Variants in BRD1 observed in about 807,000 individuals in gnomAD.
The protein encoded by BRD1 is bromodomain containing 1.
BRD1 carries 24 observed loss-of-function variants against 107.7 expected under a neutral mutation model. That is an observed-to-expected ratio of 0.22 (90% CI 0.16 to 0.31). BRD1 has a LOEUF of 0.31. Ranked by LOEUF, BRD1 falls within the 10% of genes least tolerant of loss-of-function variation. BRD1 has a pLI of 1.00. For missense variants in BRD1, 1,279 were observed against 1,638.6 expected, an observed-to-expected ratio of 0.78 and a Z score of 3.79; for synonymous variants, 744 against 686.1, an observed-to-expected ratio of 1.08 and a Z score of -1.32.
At chr22:49,778,157 C>T (rs373985299) in intron 8 of BRD1, among the ~76,000 whole-genome samples, 11 of 152,314 alleles carry the variant, frequency 7.2e-5, no homozygotes, top group African/African-American at 1.2e-4. Context: ...AGATGTGCAA[C>T]CTGTGAGTGC....
At chr22:49,826,973 G>A (rs972365655) in intron 1 of BRD1, among the ~76,000 whole-genome samples, 16 of 152,190 alleles carry the variant, frequency 1.1e-4, no homozygotes, top group Non-Finnish European at 2.2e-4. Flanking sequence ...AACGCCCGGG[G>A]AGGCCGCGGT....
chr22:49,781,252 G>A (rs1001326712), intron 8 of BRD1, among the ~76,000 whole-genome samples: 26 of 152,304 alleles, frequency 1.7e-4, no homozygotes, highest in African/African-American at 5.8e-4. Context: ...CCAGCCAAGC[G>A]CAGTCCCCGG....
chr22:49,797,884 G>A lies in BRD1; in HGVS notation c.2019C>T (p.Ile673=), dbSNP rs139437500. Residue 673 remains isoleucine, a synonymous_variant, in exon 6 of 13, where the codon ATC becomes ATT. Coordinates refer to ENST00000404760, the MANE Select transcript of BRD1 (RefSeq NM_001304808.3). ...LRQARREVDS[I]GLEEASGMHL... is the part of the protein sequence containing the mutation. ...GCATCCCCGAGGCCTCTTCCAAGCC[G>A]ATGCTGTCCACCTCGCGCCGGGCCT... 373 of 1,613,902 alleles carry A rather than the reference G, an allele frequency of 2.3e-4. No individual in the cohort carries two copies. The highest frequency in any genetic ancestry group is 3.0e-4 in the Non-Finnish European group (349 of 1,180,040).
chr22:49,777,270 G>T (rs954040088), intron 9 of BRD1, 109 bp from the exon 10 acceptor site: 1 of 1,523,490 alleles, frequency 6.6e-7, no homozygotes, highest in Non-Finnish European at 8.9e-7. Flanking sequence ...CATCCTGCCT[G>T]ACACCCCCGC....
intron 7 of BRD1, among the ~76,000 whole-genome samples, chr22:49,789,347 G>A (rs1002033455): frequency 2.0e-5 from 3 of 152,214 alleles, no homozygotes; most frequent in Admixed American, 6.5e-5. Flanking sequence ...CTGCTGAAAG[G>A]CTGCTCATGA....
At position 49,787,845 on chromosome 22, in the gene BRD1, G is replaced by C. The variant is rs2059360223; in HGVS notation, c.2402C>G (p.Pro801Arg). The C allele has an allele frequency of 6.5e-7, 1 of 1,549,068 alleles. No homozygotes were observed. Among genetic ancestry groups the C allele is most frequent in the Non-Finnish European group, 8.7e-7 (1 of 1,145,648 alleles). The stretch of plus-strand genomic sequence containing the variant: ...ATTAGTCTCCGAGTTTGAAGGAAGA[G>C]GTAATGCATCTGATGGTTCAAGTTT... Reference protein sequence around the residue: ...PPKLEPSDALPLPSNSETNSE... With the variant: ...PPKLEPSDALRLPSNSETNSE... The change falls in exon 8 of 13, where the codon CCT becomes CGT. Residue 801 changes from proline (P) to arginine (R), a missense_variant. By Grantham distance (103) the Pro-to-Arg change is moderately radical. Coordinates refer to ENST00000404760, the MANE Select transcript of BRD1 (RefSeq NM_001304808.3).
chr22:49,823,798 T>C lies in BRD1; in HGVS notation c.520A>G (p.Lys174Glu), dbSNP rs2060112663. ...AWLEIVNEKR[K>E]GDCVPAVSQS... ...GACACGGCGGGGACGCAGTCGCCCT[T>C]GCGCTTCTCATTGACGATCTCCAGC... is the stretch of plus-strand genomic sequence containing the variant. The change falls in exon 2 of 13, where the codon AAG (lysine) becomes GAG (glutamate). Residue 174 changes from lysine (K) to glutamate (E), a missense_variant. Physicochemically the swap from Lys to Glu is moderately conservative, Grantham distance 56 (BLOSUM62 1). Around this residue, in one of 7 missense-constraint regions of BRD1, gnomAD observed 223 missense variants for 263.5 expected, o/e 0.85. Coordinates refer to ENST00000404760, the MANE Select transcript of BRD1 (RefSeq NM_001304808.3). The C allele has an allele frequency of 5.0e-6, 8 of 1,614,020 alleles. No individual in the cohort carries two copies. The highest frequency in any genetic ancestry group is 6.8e-6 in the Non-Finnish European group (8 of 1,180,044).
rs1465511911 is a variant in BRD1, at chr22:49,824,514, A to T, written c.-14-183T>A. 7.1e-7 allele frequency: 1 copy of T among 1,416,802 alleles called. No individual in the cohort carries two copies. The highest frequency in any genetic ancestry group is 1.5e-5 in the South Asian group (1 of 65,458). 87.8% of individuals were successfully genotyped at this position (1,416,802 alleles called of 1,614,324 possible). A position where few individuals can be genotyped will look rare whatever the true frequency, so the allele number is the denominator to read the frequency against. On this transcript the variant is annotated intron_variant, in intron 1 of 12. Transcript: ENST00000404760. The surrounding 1 kb of genome is among the most constrained non-coding windows in gnomAD (Gnocchi z 5.9). Reference sequence around the variant, plus strand: ...ATCCAGGCCTGAGCGAGTCCCCAGGACCAGGGAGGGAGCAGCAGTAACAGG... The same window carrying T: ...ATCCAGGCCTGAGCGAGTCCCCAGGTCCAGGGAGGGAGCAGCAGTAACAGG...
intron 2 of BRD1, among the ~76,000 whole-genome samples, chr22:49,808,027 CA>C (rs138860): frequency 6.7e-6 from 1 of 149,480 alleles, no homozygotes; most frequent in Non-Finnish European, 1.5e-5. Context: ...TAACAAAAAA[CA>C]AAAAAAAAAT....
rs570044089 is a variant in BRD1 at position 49,792,308 on chromosome 22, C to T, written c.2359+1726G>A. 6.6e-6 allele frequency among the ~76,000 whole-genome samples: 1 copy of T among 152,214 alleles called. No homozygotes were observed. Among genetic ancestry groups the T allele is most frequent in the African/African-American group, 2.4e-5 (1 of 41,578 alleles). On this transcript the variant is annotated intron_variant, in intron 7 of 12. Coordinates refer to ENST00000404760, the MANE Select transcript of BRD1 (RefSeq NM_001304808.3). The surrounding 1 kb of genome is among the most constrained non-coding windows in gnomAD (Gnocchi z 4.2). ...GCTGGCAACCTCCTCACAGCTCAGT[C>T]CTCAGGGCACAGAAGACAAGGACAG...
intron 2 of BRD1, among the ~76,000 whole-genome samples, chr22:49,808,591 T>C (rs917032499): frequency 6.6e-6 from 1 of 152,108 alleles, no homozygotes; most frequent in African/African-American, 2.4e-5. Flanking sequence ...GCTCTGAAGA[T>C]AGATGGTGGT....
chr22:49,805,848 T>G (rs1260852000), intron 2 of BRD1: 1 of 152,126 alleles, frequency 6.6e-6, no homozygotes, highest in East Asian at 1.9e-4. Context: ...TTCAAGCGAT[T>G]CTCCTGCCTC....
At chr22:49,809,451 G>A (rs1250133051) in intron 2 of BRD1, among the ~76,000 whole-genome samples, 2 of 151,804 alleles carry the variant, frequency 1.3e-5, no homozygotes, top group African/African-American at 2.4e-5. Flanking sequence ...TGAGGCAGGA[G>A]AATCGCTTGA....
At chr22:49,788,946 G>C (rs965657734) in intron 7 of BRD1, among the ~76,000 whole-genome samples, 1 of 152,156 alleles carries the variant, frequency 6.6e-6, no homozygotes, top group South Asian at 2.1e-4. Flanking sequence ...CATTCAAAAA[G>C]TTGTTTTGAA....
intron 7 of BRD1, among the ~76,000 whole-genome samples, chr22:49,790,715 C>T (rs1475470607): frequency 6.6e-6 from 1 of 152,246 alleles, no homozygotes; most frequent in Non-Finnish European, 1.5e-5. Context: ...AGCAACCACA[C>T]TGTCCCTCCA....
chr22:49,811,692 T>C (rs2059852610), intron 2 of BRD1, among the ~76,000 whole-genome samples: 1 of 152,232 alleles, frequency 6.6e-6, no homozygotes, highest in Admixed American at 6.5e-5. Context: ...TTTCAGACTA[T>C]GGCTGACCAT....
At chr22:49,806,571 T>C (rs1569122871) in intron 2 of BRD1, 1 of 152,028 alleles carries the variant, frequency 6.6e-6, no homozygotes, top group African/African-American at 2.4e-5. Flanking sequence ...AGCAAAGACA[T>C]ACATATGACA....
chr22:49,779,672 A>AGC (rs2059166596), intron 8 of BRD1, among the ~76,000 whole-genome samples: 1 of 152,048 alleles, frequency 6.6e-6, no homozygotes. Flanking sequence ...CCCCATACTC[A>AGC]TCACAGAGTG....
rs1463247263 is a variant in BRD1 at position 49,803,997 on chromosome 22, TG to T, written c.1524+206del. On this transcript the variant is annotated intron_variant, in intron 3 of 12. Coordinates refer to ENST00000404760, the MANE Select transcript of BRD1 (RefSeq NM_001304808.3). This position sits in a 1 kb window ranked among gnomAD's most constrained non-coding sequence, Gnocchi z 4.4. ...CGGAAGAAACACCCAGTGACAGGCA[TG>T]GATGAGAATCACCCCCCGAGTCGCA... Among the ~76,000 whole-genome samples, 1 of 152,046 alleles carries T rather than the reference TG, an allele frequency of 6.6e-6. No homozygotes were observed. Among genetic ancestry groups the T allele is most frequent in the African/African-American group, 2.4e-5 (1 of 41,408 alleles).
Sources: allele counts gnomAD v4.1 joint callset (sites outside exome capture counted in the v4.1 genomes callset), GRCh38; gene constraint gnomAD v4.1.1; regional missense constraint gnomAD v4.1.1; non-coding constraint Gnocchi (gnomAD v3.1); transcripts MANE v1.5; gene names NCBI Gene and HGNC (gene_info 2026-07-23, HGNC 2026-07-21).